Variants in ZNF710 observed in about 807,000 individuals in gnomAD.
ZNF710 encodes the protein zinc finger protein 710.
In ZNF710, 13 loss-of-function variants were observed where a neutral mutation model predicts 50.6. The observed-to-expected ratio is 0.26, with a 90% CI of 0.17 to 0.41. The LOEUF (loss-of-function observed/expected upper bound fraction) is 0.41. ZNF710 is among the 10% of genes least tolerant of loss of function. The pLI, the probability that ZNF710 is intolerant of heterozygous loss-of-function variation, is 1.00. For missense variants in ZNF710, 721 were observed against 936.6 expected (o/e 0.77, Z 3.01); for synonymous variants, 383 against 397.0 (o/e 0.96, Z 0.42).
In ZNF710 at chr15:90,034,428, C is replaced by CTGTGTGTGTGTG. The variant is rs398028304; in HGVS notation, c.-28-32646_-28-32635dup. On this transcript the variant is annotated intron_variant, in intron 1 of 4. Coordinates refer to ENST00000268154, the MANE Select transcript of ZNF710 (RefSeq NM_198526.4). This position sits in a 1 kb window ranked among gnomAD's most constrained non-coding sequence, Gnocchi z 4.0. ...AGCTGTCCTTCCTGTTTCCAAATTC[C>CTGTGTGTGTGTG]TGTGTGTGTGTGTGTGTGTGTGTGT... Among the ~76,000 whole-genome samples, 330 of 136,250 alleles carry CTGTGTGTGTGTG rather than the reference C, an allele frequency of 2.4e-3. 1 individual carries two copies. The highest frequency in any genetic ancestry group is 2.6e-3 in the Non-Finnish European group (162 of 62,194). The allele number at this position is 136,250 out of a possible 152,430, so 89.4% of individuals were successfully genotyped here.
chr15:90,081,289 G>A lies in ZNF710; in HGVS notation c.*1460G>A, dbSNP rs912237543. 2.0e-5 allele frequency: 3 copies of A among 152,048 alleles called. No individual in the cohort carries two copies. The highest frequency in any genetic ancestry group is 4.4e-5 in the Non-Finnish European group (3 of 68,056). 9.4% of individuals were successfully genotyped at this position (152,048 alleles called of 1,614,324 possible). A position where few individuals can be genotyped will look rare whatever the true frequency, so the allele number is the denominator to read the frequency against. ...CCAGAGATGACAGGCCCAGGGCAGT[G>A]AAATAGCACATTCAGGAACTCTAGG... On this transcript the variant is annotated 3_prime_UTR_variant, in exon 5 of 5. Transcript: ENST00000268154.
intron 1 of ZNF710, among the ~76,000 whole-genome samples, chr15:90,008,453 T>TACAC (rs1898208603): frequency 4.7e-5 from 6 of 127,932 alleles, no homozygotes; most frequent in African/African-American, 2.2e-4. Flanking sequence ...TATATATATA[T>TACAC]GTATATATAT....
At chr15:90,033,862 T>C (rs1481006347) in intron 1 of ZNF710, among the ~76,000 whole-genome samples, 2 of 152,188 alleles carry the variant, frequency 1.3e-5, no homozygotes, top group African/African-American at 2.4e-5. Context: ...CTACCAGCTG[T>C]GCAAGCTTGG....
chr15:90,068,651 C>A lies in ZNF710; in HGVS notation c.1458+56C>A. ...CCTGCCCCTCCTGCCACTTTTTCAT[C>A]CAGTACTTTCCAAAGTCCCAGATGG... is the stretch of plus-strand genomic sequence containing the variant. On this transcript the variant is annotated intron_variant, in intron 2 of 4. Coordinates refer to ENST00000268154, the MANE Select transcript of ZNF710 (RefSeq NM_198526.4). The surrounding 1 kb of genome is among the most constrained non-coding windows in gnomAD (Gnocchi z 5.0). The A allele has an allele frequency of 3.9e-6, 6 of 1,527,210 alleles. No individual in the cohort carries two copies. Among genetic ancestry groups the A allele is most frequent in the Non-Finnish European group, 5.3e-6 (6 of 1,139,418 alleles). 94.6% of individuals were successfully genotyped at this position (1,527,210 alleles called of 1,614,324 possible).
chr15:90,022,636 G>A (rs78374895), intron 1 of ZNF710, among the ~76,000 whole-genome samples: 5,292 of 152,298 alleles, frequency 0.035, 326 homozygotes, highest in African/African-American at 0.12. Context: ...GGCTTGTGTT[G>A]TTAAATCCCT....
In ZNF710 at chr15:90,068,113, C is replaced by T. The variant is rs1243250188; in HGVS notation, c.976C>T (p.Pro326Ser). ...CAACGGCATCAAGCCACACTCGTGC[C>T]CACACTGCAGCAAGCTCTTCAAGCA... ...GHNGIKPHSC[P>S]HCSKLFKQPS... The change falls in exon 2 of 5, where the codon CCA becomes TCA. Residue 326 changes from proline to serine, a missense_variant. Pro to Ser is a moderately conservative substitution (Grantham distance 74, BLOSUM62 -1). Transcript: ENST00000268154. The surrounding 1 kb of genome is among the most constrained non-coding windows in gnomAD (Gnocchi z 5.0). 6.2e-7 allele frequency: 1 copy of T among 1,614,272 alleles called. No individual in the cohort carries two copies. Among genetic ancestry groups the T allele is most frequent in the Non-Finnish European group, 8.5e-7 (1 of 1,180,044 alleles).
chr15:90,015,156 G>T (rs564570553), intron 1 of ZNF710, among the ~76,000 whole-genome samples: 2 of 152,154 alleles, frequency 1.3e-5, no homozygotes, highest in Non-Finnish European at 2.9e-5. Context: ...CTCCCAAAGT[G>T]CTGGGATTAC....
chr15:90,073,958 C>G (rs1047890545), intron 3 of ZNF710, among the ~76,000 whole-genome samples, 158 bp from the exon 4 acceptor site: 1 of 147,410 alleles, frequency 6.8e-6, no homozygotes, highest in Non-Finnish European at 1.5e-5. Context: ...CCACTGCACT[C>G]CAGCCTGGAC....
In ZNF710 at chr15:90,067,543, G is replaced by A; in HGVS notation, c.406G>A (p.Ala136Thr). ...AGGTGACGACAAGGACGCAGGGCCA[G>A]CAGAAGCCCCCGCCGAGGCGGCCAG... ...VPGDDKDAGPAEAPAEAASGG... is the reference protein window; with the variant it reads ...VPGDDKDAGPTEAPAEAASGG... Residue 136 changes from alanine (A) to threonine (T), a missense_variant, in exon 2 of 5, where the codon GCA becomes ACA. By Grantham distance (58) the Ala-to-Thr change is moderately conservative (BLOSUM62 0). Around this residue, in one of 3 missense-constraint regions of ZNF710, gnomAD observed 326 missense variants for 347.1 expected, o/e 0.94. Transcript: ENST00000268154. This position sits in a 1 kb window ranked among gnomAD's most constrained non-coding sequence, Gnocchi z 8.1. 4 of 1,612,696 alleles carry A rather than the reference G, an allele frequency of 2.5e-6. No homozygotes were observed. The highest frequency in any genetic ancestry group is 3.4e-6 in the Non-Finnish European group (4 of 1,179,360).
chr15:90,018,174 T>TC (rs1055359214), intron 1 of ZNF710, among the ~76,000 whole-genome samples: 12 of 150,154 alleles, frequency 8.0e-5, no homozygotes, highest in African/African-American at 2.4e-4. Context: ...TTTTTTCTTT[T>TC]TTTTTTTTTT....
chr15:90,002,086 C>A (rs1015781334), intron 1 of ZNF710, among the ~76,000 whole-genome samples: 4 of 151,288 alleles, frequency 2.6e-5, no homozygotes, highest in Non-Finnish European at 5.9e-5. Flanking sequence ...CGGGCCCGCA[C>A]GTGGGTGTCC....
At chr15:90,018,493 A>C (rs949193205) in intron 1 of ZNF710, among the ~76,000 whole-genome samples, 1 of 152,090 alleles carries the variant, frequency 6.6e-6, no homozygotes, top group African/African-American at 2.4e-5. Flanking sequence ...TGGTTGTAAA[A>C]ATTCATTTCT....
At chr15:90,026,251 AAACAAC>A (rs1268152862) in intron 1 of ZNF710, among the ~76,000 whole-genome samples, 2 of 117,520 alleles carry the variant, frequency 1.7e-5, no homozygotes, top group African/African-American at 7.9e-5. Flanking sequence ...AAAAAAAACA[AAACAAC>A]AACAACAACA....
At chr15:90,013,356 GC>G (rs1367365926) in intron 1 of ZNF710, among the ~76,000 whole-genome samples, 1 of 152,192 alleles carries the variant, frequency 6.6e-6, no homozygotes, top group Non-Finnish European at 1.5e-5. Flanking sequence ...GCCCACCTTG[GC>G]CTCCCAAAGT....
At chr15:90,032,418 G>C (rs1205780825) in intron 1 of ZNF710, among the ~76,000 whole-genome samples, 1 of 152,180 alleles carries the variant, frequency 6.6e-6, no homozygotes, top group African/African-American at 2.4e-5. Context: ...CTATTTTTAA[G>C]AGAGAGGAGA....
chr15:90,074,096 A>G lies in ZNF710; in HGVS notation c.1651-20A>G, dbSNP rs755668399. 115 of 1,599,724 alleles carry G rather than the reference A, an allele frequency of 7.2e-5. No individual in the cohort carries two copies. Among genetic ancestry groups the G allele is most frequent in the Non-Finnish European group, 9.6e-5 (113 of 1,174,966 alleles). On this transcript the variant is annotated intron_variant, in intron 3 of 4. Transcript: ENST00000268154. ...AGCAGGTTCCCCACAGGCTCAGGAC[A>G]CCGGGTTGATGTGTTCTAGGTGTGC...
chr15:90,036,853 T>G (rs1373886066), intron 1 of ZNF710, among the ~76,000 whole-genome samples: 1 of 152,218 alleles, frequency 6.6e-6, no homozygotes, highest in Non-Finnish European at 1.5e-5. Context: ...TCTGCCTCGG[T>G]GACCCCATCT....
chr15:90,066,706 G>A (rs748877134), intron 1 of ZNF710, among the ~76,000 whole-genome samples: 6 of 152,082 alleles, frequency 3.9e-5, no homozygotes, highest in Non-Finnish European at 8.8e-5. Flanking sequence ...AACTCCTGCT[G>A]ACCTCAGGTG....
At chr15:90,013,011 G>T (rs2151465982) in intron 1 of ZNF710, among the ~76,000 whole-genome samples, 2 of 152,210 alleles carry the variant, frequency 1.3e-5, no homozygotes, top group African/African-American at 4.8e-5. Context: ...TGCAATTATA[G>T]TTGTATTGTT....
Sources: allele counts gnomAD v4.1 joint callset (sites outside exome capture counted in the v4.1 genomes callset), GRCh38; gene constraint gnomAD v4.1.1; regional missense constraint gnomAD v4.1.1; non-coding constraint Gnocchi (gnomAD v3.1); transcripts MANE v1.5; gene names NCBI Gene and HGNC (gene_info 2026-07-23, HGNC 2026-07-21).